Variants in LIMA1 observed in about 807,000 individuals in gnomAD.
The protein encoded by LIMA1 is LIM domain and actin-binding protein 1.
LIMA1 carries 52 observed loss-of-function variants against 62.6 expected under a neutral mutation model. The ratio of observed to expected loss-of-function variants is 0.83; its 90% CI spans 0.67 to 1.05. The LOEUF (loss-of-function observed/expected upper bound fraction) is 1.05, where lower values mean the gene tolerates loss of function less well. LIMA1 is among the 50% of genes least tolerant of loss of function. The pLI is 0.00. For missense variants in LIMA1, 780 were observed against 902.2 expected, an observed-to-expected ratio of 0.86 and a Z score of 1.74; for synonymous variants, 302 against 317.8, an observed-to-expected ratio of 0.95 and a Z score of 0.53.
intron 1 of LIMA1, among the ~76,000 whole-genome samples, chr12:50,256,784 C>T (rs1176716789): frequency 6.6e-6 from 1 of 152,120 alleles, no homozygotes; most frequent in East Asian, 1.9e-4. Flanking sequence ...CAGCCTGGAA[C>T]ATCTTGCAAT....
At chr12:50,228,532 C>A (rs1284860122) in intron 3 of LIMA1, among the ~76,000 whole-genome samples, 1 of 152,226 alleles carries the variant, frequency 6.6e-6, no homozygotes, top group African/African-American at 2.4e-5. Flanking sequence ...ATATCTCCAA[C>A]CTTTAAACAC....
chr12:50,183,572 G>T (rs1156407057), intron 9 of LIMA1, among the ~76,000 whole-genome samples: 1 of 151,982 alleles, frequency 6.6e-6, no homozygotes, highest in Non-Finnish European at 1.5e-5. Context: ...CCACACTTTG[G>T]GAGGTTGAGG....
intron 9 of LIMA1, 57 bp downstream of exon 9, chr12:50,192,394 CA>C: frequency 8.7e-7 from 1 of 1,144,988 alleles, no homozygotes; most frequent in South Asian, 1.2e-5. Flanking sequence ...ATAAAAGGTA[CA>C]ATTAGCTCTA....
chr12:50,247,266 G>C (rs963657547), intron 2 of LIMA1, among the ~76,000 whole-genome samples: 3 of 152,100 alleles, frequency 2.0e-5, no homozygotes, highest in African/African-American at 7.2e-5. Context: ...TTCTAATGAA[G>C]TGAATGTGGT....
intron 5 of LIMA1, among the ~76,000 whole-genome samples, 165 bp downstream of exon 5, chr12:50,205,819 A>G (rs1474808274): frequency 6.8e-6 from 1 of 148,034 alleles, no homozygotes; most frequent in East Asian, 2.0e-4. Context: ...AAAAAAAGCT[A>G]TTTATCGAGA....
At chr12:50,267,163 G>A (rs972064166) in intron 1 of LIMA1, among the ~76,000 whole-genome samples, 3 of 152,148 alleles carry the variant, frequency 2.0e-5, no homozygotes, top group Admixed American at 6.5e-5. Flanking sequence ...TCCATCTCCC[G>A]GGTTCACGCC....
chr12:50,241,647 A>G (rs560447031), intron 2 of LIMA1, among the ~76,000 whole-genome samples: 2 of 151,918 alleles, frequency 1.3e-5, no homozygotes, highest in Admixed American at 6.6e-5. Flanking sequence ...TAAATAGTAG[A>G]TAACAGGGAG....
chr12:50,204,463 G>A, intron 6 of LIMA1, 89 bp downstream of exon 6: 1 of 1,416,086 alleles, frequency 7.1e-7, no homozygotes, highest in Non-Finnish European at 9.5e-7. Flanking sequence ...CAGATACAAG[G>A]GTCTGGTGAC....
intron 1 of LIMA1, among the ~76,000 whole-genome samples, chr12:50,267,010 T>C (rs948704327): frequency 6.6e-6 from 1 of 152,152 alleles, no homozygotes; most frequent in Non-Finnish European, 1.5e-5. Flanking sequence ...TTCTCCTGCC[T>C]TAGCCTCCTG....
intron 9 of LIMA1, among the ~76,000 whole-genome samples, chr12:50,182,666 C>T (rs966896843): frequency 2.0e-5 from 3 of 152,108 alleles, no homozygotes; most frequent in African/African-American, 7.2e-5. Context: ...AAGCATAGCC[C>T]ATTAAAGCTA....
chr12:50,222,441 A>C lies in LIMA1; in HGVS notation c.210T>G (p.Thr70=). 6.2e-7 allele frequency: 1 copy of C among 1,614,170 alleles called. No individual in the cohort carries two copies. The highest frequency in any genetic ancestry group is 8.5e-7 in the Non-Finnish European group (1 of 1,180,028). Residue 70 remains threonine, a synonymous_variant, in exon 4 of 11, where the codon ACT becomes ACG. Coordinates refer to ENST00000341247, the MANE Select transcript of LIMA1 (RefSeq NM_016357.5). The part of the protein sequence containing the change: ...LSQHFRKGTL[T]VLKKKWENPG... ...GGTTCTCCCACTTCTTCTTTAACAC[A>C]GTCAGGGTCCCCTTTCTAAAGTGCT...
intron 1 of LIMA1, among the ~76,000 whole-genome samples, chr12:50,250,873 T>C (rs943707676): frequency 1.3e-5 from 2 of 152,002 alleles, no homozygotes; most frequent in East Asian, 1.9e-4. Flanking sequence ...CTTCACAGTA[T>C]TCTTATGAGA....
chr12:50,246,088 C>T (rs542333611), intron 2 of LIMA1, among the ~76,000 whole-genome samples: 8 of 151,744 alleles, frequency 5.3e-5, no homozygotes, highest in African/African-American at 1.5e-4. Context: ...AAAAATTAGC[C>T]GGGCATGGTG....
chr12:50,276,305 TCTC>T (rs929462353), intron 1 of LIMA1, among the ~76,000 whole-genome samples: 5 of 152,084 alleles, frequency 3.3e-5, no homozygotes, highest in African/African-American at 1.2e-4. Flanking sequence ...CCTCAAGCTT[TCTC>T]CTTAGTGAAT....
intron 4 of LIMA1, among the ~76,000 whole-genome samples, 196 bp downstream of exon 4, chr12:50,221,825 C>G (rs1941446845): frequency 6.6e-6 from 1 of 152,202 alleles, no homozygotes; most frequent in Non-Finnish European, 1.5e-5. Flanking sequence ...CCTGATTTAA[C>G]ATGAAATTGT....
intron 2 of LIMA1, among the ~76,000 whole-genome samples, chr12:50,243,910 T>C (rs1941811289): frequency 1.3e-5 from 2 of 151,972 alleles, no homozygotes; most frequent in Non-Finnish European, 1.5e-5. Flanking sequence ...GTATATATTT[T>C]ATATATTTCT....
intron 4 of LIMA1, among the ~76,000 whole-genome samples, chr12:50,207,505 A>G (rs1474383952): frequency 1.3e-5 from 2 of 152,230 alleles, no homozygotes; most frequent in Non-Finnish European, 2.9e-5. Context: ...GGAGATAAGA[A>G]TAAAACACTT....
intron 1 of LIMA1, among the ~76,000 whole-genome samples, chr12:50,263,454 G>A (rs1269599976): frequency 1.3e-5 from 2 of 152,116 alleles, no homozygotes; most frequent in African/African-American, 2.4e-5. Flanking sequence ...CAACTTGAGC[G>A]ATCAGAAGCA....
intron 1 of LIMA1, among the ~76,000 whole-genome samples, chr12:50,252,248 G>A (rs1189540100): frequency 6.6e-6 from 1 of 152,100 alleles, no homozygotes; most frequent in Non-Finnish European, 1.5e-5. Flanking sequence ...GCACCTTTGG[G>A]GAGTGAGTTA....
Sources: gnomAD v4.1 joint callset for allele counts (sites outside exome capture counted in the v4.1 genomes callset) on GRCh38, gnomAD v4.1.1 for gene constraint, MANE v1.5 for transcripts, NCBI Gene and HGNC (gene_info 2026-07-23, HGNC 2026-07-21) for gene names.